The following KMT2C variants were observed in gnomAD, a reference collection of about 807,000 sequenced individuals.
The protein encoded by KMT2C is lysine methyltransferase 2C.
A neutral mutation model predicts 507.9 loss-of-function variants in KMT2C; 88 were observed. The ratio of observed to expected loss-of-function variants is 0.17; its 90% CI spans 0.15 to 0.21. The LOEUF is 0.21. KMT2C is among the 10% of genes least tolerant of loss of function. The pLI, the probability that KMT2C is intolerant of heterozygous loss-of-function variation, is 1.00. For synonymous variants in KMT2C, 2,049 were observed against 2,080.8 expected (o/e 0.98, Z 0.42); for missense variants, 4,954 against 5,957.8 (o/e 0.83, Z 5.55).
At chr7:152,285,801 A>G (rs2096286427) in intron 6 of KMT2C, among the ~76,000 whole-genome samples, 1 of 152,236 alleles carries the variant, frequency 6.6e-6, no homozygotes, top group African/African-American at 2.4e-5. Context: ...CCTAGCCAAC[A>G]TGGCGAAACC....
chr7:152,342,999 C>T (rs568344993), intron 2 of KMT2C, among the ~76,000 whole-genome samples: 10 of 152,270 alleles, frequency 6.6e-5, no homozygotes, highest in Admixed American at 3.3e-4. Context: ...AAAATTCAGA[C>T]TTCCCCCTCC....
At chr7:152,230,551 G>A (rs2129151547) in intron 16 of KMT2C, among the ~76,000 whole-genome samples, 1 of 152,210 alleles carries the variant, frequency 6.6e-6, no homozygotes, top group South Asian at 2.1e-4. Flanking sequence ...GAAGTAATGA[G>A]AAAATATAAT....
At chr7:152,317,712 A>G (rs1254342048) in intron 3 of KMT2C, among the ~76,000 whole-genome samples, 1 of 152,348 alleles carries the variant, frequency 6.6e-6, no homozygotes, top group African/African-American at 2.4e-5. Flanking sequence ...GATGTCACGC[A>G]CTACAGCAAC....
At chr7:152,249,469 A>G (rs1042107983) in intron 13 of KMT2C, among the ~76,000 whole-genome samples, 3 of 151,446 alleles carry the variant, frequency 2.0e-5, no homozygotes, top group African/African-American at 7.3e-5. Flanking sequence ...GACTGCACAC[A>G]TGTGTCACCA....
chr7:152,315,964 A>G (rs1201580252), intron 3 of KMT2C, among the ~76,000 whole-genome samples: 1 of 152,196 alleles, frequency 6.6e-6, no homozygotes, highest in Non-Finnish European at 1.5e-5. Context: ...AGAGTTTAGT[A>G]GCCACCCAAC....
intron 7 of KMT2C, among the ~76,000 whole-genome samples, chr7:152,269,147 AGAC>A (rs1352019126): frequency 6.6e-6 from 1 of 152,228 alleles, no homozygotes; most frequent in Non-Finnish European, 1.5e-5. Flanking sequence ...CTCTGCAACA[AGAC>A]AACTGTCATT....
chr7:152,264,331 G>A, intron 8 of KMT2C, among the ~76,000 whole-genome samples: 1 of 152,122 alleles, frequency 6.6e-6, no homozygotes, highest in Non-Finnish European at 1.5e-5. Context: ...TGAAGATACT[G>A]GTAACATCCC....
At chr7:152,229,453 G>A (rs2095040065) in intron 18 of KMT2C, among the ~76,000 whole-genome samples, 1 of 152,146 alleles carries the variant, frequency 6.6e-6, no homozygotes, top group African/African-American at 2.4e-5. Context: ...GCTGACTCTC[G>A]ATTATTACCA....
chr7:152,201,285 C>A (rs1449748207), intron 26 of KMT2C, among the ~76,000 whole-genome samples: 1 of 134,550 alleles, frequency 7.4e-6, no homozygotes, highest in African/African-American at 3.2e-5. Flanking sequence ...GTCACACATA[C>A]AGACACAGAC....
chr7:152,153,282 G>T (rs888370643), intron 48 of KMT2C, among the ~76,000 whole-genome samples: 5 of 152,120 alleles, frequency 3.3e-5, no homozygotes, highest in Admixed American at 6.5e-5. Context: ...ACTTCCAGGG[G>T]CTTCCCTCCA....
chr7:152,372,023 G>A (rs758625793), intron 1 of KMT2C, among the ~76,000 whole-genome samples: 20 of 152,002 alleles, frequency 1.3e-4, no homozygotes, highest in South Asian at 2.1e-4. Flanking sequence ...AAAGGAAGAC[G>A]GCTAGAGAGG....
intron 15 of KMT2C, among the ~76,000 whole-genome samples, chr7:152,236,434 A>T (rs1176905715): frequency 6.6e-6 from 1 of 152,194 alleles, no homozygotes; most frequent in African/African-American, 2.4e-5. Context: ...ATTTGAGATG[A>T]GTGTGCTGAG....
At chr7:152,307,244 AGGAAGGAC>A (rs1449554506) in intron 6 of KMT2C, among the ~76,000 whole-genome samples, 20 of 120,302 alleles carry the variant, frequency 1.7e-4, no homozygotes, top group African/African-American at 7.6e-4. Flanking sequence ...GAAGGAAGGA[AGGAAGGAC>A]GGTAGGAAGG....
At chr7:152,302,736 G>A (rs1156394510) in intron 6 of KMT2C, among the ~76,000 whole-genome samples, 1 of 151,680 alleles carries the variant, frequency 6.6e-6, no homozygotes, top group Non-Finnish European at 1.5e-5. Flanking sequence ...CCACCTCCTG[G>A]GTTCAAGAAA....
intron 6 of KMT2C, among the ~76,000 whole-genome samples, chr7:152,287,716 A>G (rs1481765089): frequency 1.3e-5 from 2 of 152,174 alleles, no homozygotes; most frequent in East Asian, 1.9e-4. Context: ...TTTAAACTAT[A>G]TAACACTGCT....
chr7:152,290,286 ATATATATATTTTTTTTTTTTTTTTT>A (rs2096400995), intron 6 of KMT2C, among the ~76,000 whole-genome samples: 1 of 33,828 alleles, frequency 3.0e-5, no homozygotes, highest in African/African-American at 1.5e-4. Context: ...ATATATATAT[ATATATATATTTTTTTTTTTTTTTTT>A]TTTTTTTTTT....
intron 1 of KMT2C, among the ~76,000 whole-genome samples, chr7:152,415,642 A>G (rs1164797504): frequency 6.6e-6 from 1 of 152,206 alleles, no homozygotes; most frequent in Non-Finnish European, 1.5e-5. Context: ...ACGCTTTGGG[A>G]GGCCGAGGCG....
chr7:152,349,917 C>G (rs908483109), intron 2 of KMT2C, among the ~76,000 whole-genome samples: 5 of 152,106 alleles, frequency 3.3e-5, no homozygotes, highest in African/African-American at 4.8e-5. Context: ...CAGTACCTTC[C>G]TCACAATTTT....
intron 2 of KMT2C, among the ~76,000 whole-genome samples, chr7:152,351,203 A>G (rs1310468608): frequency 6.6e-6 from 1 of 152,222 alleles, no homozygotes. Context: ...ATAATGATAA[A>G]AAGTATAGTA....
Sources: allele counts gnomAD v4.1 joint callset (sites outside exome capture counted in the v4.1 genomes callset), GRCh38; gene constraint gnomAD v4.1.1; transcripts MANE v1.5; gene names NCBI Gene and HGNC (gene_info 2026-07-23, HGNC 2026-07-21).